Variants in MGAM observed in about 807,000 individuals in gnomAD.
MGAM encodes alpha-1,4-glucosidase.
In MGAM, 253 loss-of-function variants were observed where a neutral mutation model predicts 358.8. That is an observed-to-expected ratio of 0.71 (90% confidence interval 0.64 to 0.78). The LOEUF (loss-of-function observed/expected upper bound fraction) is 0.78. MGAM is among the 30% of genes least tolerant of loss of function. MGAM has a pLI of 0.00. For missense variants in MGAM, 3,080 were observed against 3,432.6 expected, an observed-to-expected ratio of 0.90 and a Z score of 2.57; for synonymous variants, 1,105 against 1,227.1, an observed-to-expected ratio of 0.90 and a Z score of 2.08.
At chr7:142,007,604 T>C (rs965860330) in intron 2 of MGAM, among the ~76,000 whole-genome samples, 1 of 151,868 alleles carries the variant, frequency 6.6e-6, no homozygotes, top group Non-Finnish European at 1.5e-5. Context: ...CAAAAGACAC[T>C]GTTTTGTCTT....
At position 142,026,751 on chromosome 7, in the gene MGAM, C is replaced by T. The variant is rs532506179; in HGVS notation, c.983-364C>T. On this transcript the variant is annotated intron_variant, in intron 8 of 70. Coordinates refer to ENST00000475668, the MANE Select transcript of MGAM (RefSeq NM_001365693.1). Reference sequence around the variant, plus strand: ...CTTTTGGGAGGCTCTGATTTTAGCACATCAGGGATTTCAGTAACTTAAATG... The same window carrying T: ...CTTTTGGGAGGCTCTGATTTTAGCATATCAGGGATTTCAGTAACTTAAATG... 3.3e-3 allele frequency among the ~76,000 whole-genome samples: 508 copies of T among 152,260 alleles called. 6 individuals are homozygous for T. The highest frequency in any genetic ancestry group is 5.4e-3 in the Non-Finnish European group (364 of 68,014).
At chr7:142,040,258 A>G (rs1808389081) in intron 20 of MGAM, 87 bp downstream of exon 20, 2 of 1,071,968 alleles carry the variant, frequency 1.9e-6, no homozygotes, top group Admixed American at 4.0e-5. Flanking sequence ...AGAAACATCC[A>G]TCTACATGCT....
At chr7:142,095,122 G>A (rs1199234082) in intron 63 of MGAM, among the ~76,000 whole-genome samples, 2 of 151,966 alleles carry the variant, frequency 1.3e-5, no homozygotes, top group Admixed American at 6.6e-5. Context: ...ACATACCAAC[G>A]TGCCCAGCTA....
At chr7:142,100,624 G>C (rs1366494175) in intron 67 of MGAM, among the ~76,000 whole-genome samples, 178 bp from the exon 68 acceptor site, 2 of 152,166 alleles carry the variant, frequency 1.3e-5, no homozygotes, top group African/African-American at 4.8e-5. Flanking sequence ...TTCATGATAT[G>C]AAGTCATAGA....
intron 14 of MGAM, among the ~76,000 whole-genome samples, chr7:142,033,863 G>A (rs932266193): frequency 3.3e-5 from 5 of 152,112 alleles, no homozygotes; most frequent in Non-Finnish European, 5.9e-5. Context: ...AGGAGAGACT[G>A]GAAATCATTC....
intron 21 of MGAM, among the ~76,000 whole-genome samples, chr7:142,046,082 TTA>T (rs1297459070): frequency 2.0e-5 from 2 of 102,450 alleles, no homozygotes; most frequent in South Asian, 3.2e-4. Context: ...ATATAGAAAT[TTA>T]TATGTGTAAT....
intron 7 of MGAM, among the ~76,000 whole-genome samples, chr7:142,024,433 C>T (rs2128998333): frequency 6.8e-6 from 1 of 147,634 alleles, no homozygotes; most frequent in African/African-American, 2.5e-5. Flanking sequence ...AAAAAAAAAT[C>T]TGCATTTAAC....
chr7:142,043,458 A>G (rs865855195), intron 21 of MGAM, among the ~76,000 whole-genome samples: 1 of 25,504 alleles, frequency 3.9e-5, no homozygotes, highest in Non-Finnish European at 9.9e-5. Context: ...AATATAATAT[A>G]TATATTATAT....
At chr7:141,993,155 G>C (rs1334462235), upstream of MGAM, among the ~76,000 whole-genome samples, 11 of 152,208 alleles carry the variant, frequency 7.2e-5, no homozygotes, top group African/African-American at 1.9e-4. Context: ...GTATTTTCCA[G>C]ATGATATACA....
upstream of MGAM, chr7:141,995,712 G>A (rs1804171211): frequency 6.6e-6 from 1 of 152,198 alleles, no homozygotes; most frequent in Admixed American, 6.5e-5. Context: ...TCTTAAGGAT[G>A]TCCTTCTTAG....
At chr7:142,021,475 A>C in intron 5 of MGAM, 111 bp from the exon 6 acceptor site, 1 of 1,070,482 alleles carries the variant, frequency 9.3e-7, no homozygotes, top group Non-Finnish European at 1.3e-6. Context: ...CATCTACCTA[A>C]GATATGAGGT....
At chr7:142,052,554 A>G in intron 25 of MGAM, 108 bp downstream of exon 25, 1 of 1,446,042 alleles carries the variant, frequency 6.9e-7, no homozygotes, top group South Asian at 1.4e-5. Flanking sequence ...CATAGAAAGA[A>G]CTTCCTAAGG....
intron 20 of MGAM, 169 bp from the exon 21 acceptor site, chr7:142,040,553 C>G: frequency 1.2e-6 from 1 of 852,662 alleles, no homozygotes; most frequent in Non-Finnish European, 1.8e-6. Flanking sequence ...CAACTGGTAG[C>G]AGAACATGTT....
intron 43 of MGAM, 151 bp from the exon 44 acceptor site, chr7:142,070,843 T>A: frequency 9.2e-7 from 1 of 1,089,634 alleles, no homozygotes; most frequent in Non-Finnish European, 1.3e-6. Context: ...TGCAGCACTG[T>A]GCGAATGCAG....
At chr7:142,050,023 C>T (rs958612008) in intron 22 of MGAM, among the ~76,000 whole-genome samples, 1 of 152,088 alleles carries the variant, frequency 6.6e-6, no homozygotes, top group African/African-American at 2.4e-5. Flanking sequence ...TTATGTGCAA[C>T]AACCAAGATA....
intron 16 of MGAM, among the ~76,000 whole-genome samples, chr7:142,035,251 A>C (rs1807879501): frequency 6.6e-6 from 1 of 152,068 alleles, no homozygotes; most frequent in South Asian, 2.1e-4. Context: ...TATGAATTGA[A>C]CTCCTAGAGT....
chr7:142,025,465 C>T (rs1025894344), intron 8 of MGAM, among the ~76,000 whole-genome samples: 5 of 152,160 alleles, frequency 3.3e-5, no homozygotes, highest in African/African-American at 9.7e-5. Context: ...TGTTCTTCTC[C>T]GTCTTCAGCC....
rs1812786423 is a variant in MGAM at position 142,066,653 on chromosome 7, A to G, written c.4851A>G (p.Pro1617=). ...TGCAGACCAGATACACCCTGTTGCC[A>G]TATCTGTATACCTTGATGCAAAAGG... ...NVLQTRYTLL[P]YLYTLMQKAH... is the part of the protein sequence containing the mutation. Residue 1617 remains proline, a synonymous_variant, in exon 41 of 71, where the codon CCA becomes CCG. Coordinates refer to ENST00000475668, the MANE Select transcript of MGAM (RefSeq NM_001365693.1). The G allele has an allele frequency of 7.1e-6, 11 of 1,556,036 alleles. 2 individuals are homozygous for G. The highest frequency in any genetic ancestry group is 9.7e-6 in the Non-Finnish European group (11 of 1,132,604).
At chr7:142,084,416 A>G in intron 53 of MGAM, 103 bp from the exon 54 acceptor site, 1 of 1,280,738 alleles carries the variant, frequency 7.8e-7, no homozygotes, top group Non-Finnish European at 1.1e-6. Flanking sequence ...TCAATTAGTT[A>G]GTTGTCTAGC....
Sources: gnomAD v4.1 joint callset for allele counts (sites outside exome capture counted in the v4.1 genomes callset) on GRCh38, gnomAD v4.1.1 for gene constraint, MANE v1.5 for transcripts, NCBI Gene and HGNC (gene_info 2026-07-23, HGNC 2026-07-21) for gene names.